EXOC4: variants seen among roughly 807,000 people sequenced by gnomAD.
EXOC4 encodes the protein exocyst complex component 4, also known as SEC8-like 1.
A neutral mutation model predicts 107.2 loss-of-function variants in EXOC4; 71 were observed. The observed-to-expected ratio is 0.66, with a 90% CI of 0.55 to 0.81. The LOEUF (loss-of-function observed/expected upper bound fraction) is 0.81. EXOC4 is among the 30% of genes least tolerant of loss of function. EXOC4 has a pLI of 0.00. For missense variants in EXOC4, 1,108 were observed against 1,189.6 expected (o/e 0.93, Z 1.01); for synonymous variants, 456 against 441.2 (o/e 1.03, Z -0.42).
chr7:133,650,937 G>GTGTTT (rs1803130151), intron 10 of EXOC4, among the ~76,000 whole-genome samples: 3 of 88,694 alleles, frequency 3.4e-5, no homozygotes, highest in Non-Finnish European at 6.7e-5. Flanking sequence ...AGATTGGTCA[G>GTGTTT]TTTTTTTTTT....
rs555930352 is a variant in EXOC4 at position 133,378,931 on chromosome 7, A to G, written c.1182+3929A>G. On this transcript the variant is annotated intron_variant, in intron 7 of 17. Transcript: ENST00000253861. ...ATACTCCAGTTGAAAGACAGAGATC[A>G]TACTGGATTTAAAAAAAACCAAGAC... Among the ~76,000 whole-genome samples, 419 of 152,262 alleles carry G rather than the reference A, an allele frequency of 2.8e-3. 3 individuals are homozygous for G. Among genetic ancestry groups the G allele is most frequent in the African/African-American group, 9.8e-3 (406 of 41,570 alleles).
intron 10 of EXOC4, among the ~76,000 whole-genome samples, chr7:133,703,942 T>C (rs969012654): frequency 6.6e-6 from 1 of 152,236 alleles, no homozygotes; most frequent in Non-Finnish European, 1.5e-5. Context: ...TAAAACAAAT[T>C]GAATTCCATG....
rs143755145 is a variant in EXOC4, at chr7:133,375,337, G to A, written c.1182+335G>A. Among the ~76,000 whole-genome samples, 35 of 152,158 alleles carry A rather than the reference G, an allele frequency of 2.3e-4. 1 individual carries two copies. The East Asian group carries it at 6.4e-3, about 28-fold the overall frequency. On this transcript the variant is annotated intron_variant, in intron 7 of 17. Coordinates refer to ENST00000253861, the MANE Select transcript of EXOC4 (RefSeq NM_021807.4). ...CTAAAAATACAAAAATTAGCTGGGC[G>A]TGGTGGCGGGCGCCTGTAATCTCAG...
chr7:134,073,221 A>AAAAAAC, the EXOC4 span, among the ~76,000 whole-genome samples: 2 of 46,234 alleles, frequency 4.3e-5, no homozygotes, highest in African/African-American at 2.2e-4. Context: ...AAAAAAAAAA[A>AAAAAAC]AAAAAAAAAA....
At chr7:133,265,488 A>G (rs1203695991) in intron 1 of EXOC4, among the ~76,000 whole-genome samples, 1 of 152,068 alleles carries the variant, frequency 6.6e-6, no homozygotes, top group Non-Finnish European at 1.5e-5. Context: ...TGATGAGTAG[A>G]AAAGGCAGGG....
chr7:133,670,197 C>T (rs991919460), intron 10 of EXOC4, among the ~76,000 whole-genome samples: 7 of 152,178 alleles, frequency 4.6e-5, no homozygotes, highest in Admixed American at 1.3e-4. Context: ...ATTAACTTAT[C>T]TCAGGTTGCA....
At chr7:134,067,678 C>CA (rs11449520), downstream of EXOC4, among the ~76,000 whole-genome samples, 149,522 of 149,678 alleles carry the variant, frequency 1, 74,683 homozygotes, top group Middle Eastern at 1. Context: ...CACACACAGG[C>CA]AATTGTGTTC....
intron 2 of EXOC4, among the ~76,000 whole-genome samples, chr7:133,284,723 G>A (rs1794235761): frequency 6.6e-6 from 1 of 152,036 alleles, no homozygotes. Context: ...TTTTAGTAGA[G>A]ATGGGGTTTC....
intron 7 of EXOC4, among the ~76,000 whole-genome samples, chr7:133,457,965 A>C (rs1798502057): frequency 6.6e-6 from 1 of 152,216 alleles, no homozygotes; most frequent in South Asian, 2.1e-4. Context: ...AATTTTTCTC[A>C]GACTTTTAGA....
At chr7:133,475,551 C>A in intron 8 of EXOC4, 78 bp downstream of exon 8, 1 of 1,295,830 alleles carries the variant, frequency 7.7e-7, no homozygotes, top group Non-Finnish European at 1.1e-6. Context: ...TATTAATAGC[C>A]ATAACTTTGT....
chr7:133,525,945 T>C (rs1215821811), intron 9 of EXOC4, among the ~76,000 whole-genome samples: 1 of 152,182 alleles, frequency 6.6e-6, no homozygotes, highest in East Asian at 1.9e-4. Flanking sequence ...GAAGTATTTT[T>C]CTAATGGGAT....
chr7:133,885,308 G>A (rs1427111880), intron 11 of EXOC4, among the ~76,000 whole-genome samples: 25 of 144,236 alleles, frequency 1.7e-4, no homozygotes, highest in Admixed American at 5.1e-4. Context: ...GTGAGACCCC[G>A]TCTCAAAAAA....
At chr7:133,319,838 CTTTT>C (rs35274622) in intron 5 of EXOC4, among the ~76,000 whole-genome samples, 1,044 of 94,622 alleles carry the variant, frequency 0.011, 3 homozygotes, top group Non-Finnish European at 0.017. Flanking sequence ...TGATCGTGTG[CTTTT>C]TTTTTTTTTT....
At chr7:133,369,111 C>G (rs1240187449) in intron 6 of EXOC4, among the ~76,000 whole-genome samples, 3 of 152,154 alleles carry the variant, frequency 2.0e-5, no homozygotes, top group South Asian at 2.1e-4. Flanking sequence ...GCAAACAACT[C>G]TTTCTCAATC....
At chr7:133,501,177 GT>G (rs1268437952) in intron 9 of EXOC4, among the ~76,000 whole-genome samples, 1 of 152,112 alleles carries the variant, frequency 6.6e-6, no homozygotes, top group African/African-American at 2.4e-5. Flanking sequence ...TCTTCTGAAA[GT>G]TTGTAAGTTC....
At chr7:133,979,506 G>A (rs961201216) in intron 14 of EXOC4, among the ~76,000 whole-genome samples, 2 of 152,096 alleles carry the variant, frequency 1.3e-5, no homozygotes, top group African/African-American at 4.8e-5. Context: ...CCTAAGTTGC[G>A]GCTGGGTGCG....
At chr7:133,581,345 A>G (rs575045356) in intron 9 of EXOC4, among the ~76,000 whole-genome samples, 1 of 152,292 alleles carries the variant, frequency 6.6e-6, no homozygotes, top group East Asian at 1.9e-4. Context: ...GGTTTGCTAG[A>G]TAGGTAAATT....
chr7:133,439,689 G>T (rs549008449), intron 7 of EXOC4, among the ~76,000 whole-genome samples: 1 of 152,278 alleles, frequency 6.6e-6, no homozygotes, highest in East Asian at 1.9e-4. Flanking sequence ...CAAAAAAGCT[G>T]TATCACTGGT....
chr7:134,057,858 G>A (rs1795967056), intron 17 of EXOC4, among the ~76,000 whole-genome samples: 3 of 152,190 alleles, frequency 2.0e-5, no homozygotes, highest in African/African-American at 7.2e-5. Context: ...TTTTGGACAT[G>A]AGAAATAGAT....
Sources: gnomAD v4.1 joint callset for allele counts (sites outside exome capture counted in the v4.1 genomes callset) on GRCh38, gnomAD v4.1.1 for gene constraint, MANE v1.5 for transcripts, NCBI Gene and HGNC (gene_info 2026-07-23, HGNC 2026-07-21) for gene names.